The following KLHL1 variants were observed in gnomAD, a reference collection of about 807,000 sequenced individuals.
The protein encoded by KLHL1 is kelch like family member 1.
A neutral mutation model predicts 77.7 loss-of-function variants in KLHL1; 47 were observed. That is an observed-to-expected ratio of 0.60 (90% confidence interval 0.48 to 0.77). The LOEUF is 0.77. Among genes scored for constraint, KLHL1 ranks in the 30% least tolerant of loss-of-function variants. KLHL1 has a pLI of 0.00. For synonymous variants in KLHL1, 360 were observed against 325.2 expected, an observed-to-expected ratio of 1.11 and a Z score of -1.15; for missense variants, 925 against 910.8, an observed-to-expected ratio of 1.02 and a Z score of -0.20.
chr13:69,932,148 G>T (rs1413801789), intron 4 of KLHL1, among the ~76,000 whole-genome samples: 1 of 151,676 alleles, frequency 6.6e-6, no homozygotes, highest in African/African-American at 2.4e-5. Flanking sequence ...TAAGCATTAA[G>T]AATATGGCTG....
chr13:69,969,972 G>A (rs556302046), intron 2 of KLHL1, among the ~76,000 whole-genome samples: 1 of 152,164 alleles, frequency 6.6e-6, no homozygotes, highest in Non-Finnish European at 1.5e-5. Context: ...TATGGTGTTT[G>A]ATATTGTTAA....
intron 1 of KLHL1, among the ~76,000 whole-genome samples, chr13:70,030,476 C>T (rs1282602829): frequency 6.6e-6 from 1 of 152,122 alleles, no homozygotes; most frequent in Non-Finnish European, 1.5e-5. Flanking sequence ...AACTGAAAAA[C>T]CTGCTCCTGA....
At chr13:69,743,416 AATATACTCAC>A (rs1206679845) in intron 7 of KLHL1, among the ~76,000 whole-genome samples, 1 of 152,192 alleles carries the variant, frequency 6.6e-6, no homozygotes, top group Non-Finnish European at 1.5e-5. Flanking sequence ...AAATATTTGA[AATATACTCAC>A]ATATATTCTG....
intron 8 of KLHL1, among the ~76,000 whole-genome samples, chr13:69,738,857 A>C (rs963999422): frequency 1.3e-5 from 2 of 152,130 alleles, no homozygotes; most frequent in African/African-American, 4.8e-5. Flanking sequence ...AACTTTTCCA[A>C]CTTACCAAGA....
At chr13:69,826,250 T>C (rs1593865358) in intron 6 of KLHL1, among the ~76,000 whole-genome samples, 1 of 152,246 alleles carries the variant, frequency 6.6e-6, no homozygotes, top group East Asian at 1.9e-4. Context: ...AGAGATCAAT[T>C]ATATAATAGA....
At chr13:69,703,119 G>A (rs979119747) in intron 10 of KLHL1, among the ~76,000 whole-genome samples, 5 of 151,632 alleles carry the variant, frequency 3.3e-5, no homozygotes, top group African/African-American at 1.2e-4. Context: ...GTCATGCACT[G>A]CATAGCTGTA....
chr13:69,985,521 G>A (rs1178674570), intron 1 of KLHL1, among the ~76,000 whole-genome samples: 2 of 151,302 alleles, frequency 1.3e-5, no homozygotes, highest in African/African-American at 2.4e-5. Flanking sequence ...ATGGAGAAAG[G>A]GAAACTCATA....
At chr13:69,901,884 G>C (rs1158358940) in intron 4 of KLHL1, among the ~76,000 whole-genome samples, 1 of 144,996 alleles carries the variant, frequency 6.9e-6, no homozygotes, top group South Asian at 2.2e-4. Flanking sequence ...TGCAACCTCT[G>C]CCTCACGGGT....
intron 4 of KLHL1, among the ~76,000 whole-genome samples, chr13:69,933,000 C>G (rs1168480010): frequency 6.6e-6 from 1 of 151,842 alleles, no homozygotes; most frequent in Non-Finnish European, 1.5e-5. Context: ...AAAACAAAAA[C>G]AGAGGAAGAA....
intron 1 of KLHL1, among the ~76,000 whole-genome samples, chr13:69,995,713 CAG>C (rs1296402465): frequency 4.6e-5 from 7 of 152,200 alleles, no homozygotes; most frequent in Non-Finnish European, 8.8e-5. Context: ...TATCCAGCAG[CAG>C]AGACTAAACC....
At chr13:69,751,921 T>TATTTATGA (rs55818434) in intron 7 of KLHL1, among the ~76,000 whole-genome samples, 62,075 of 151,322 alleles carry the variant, frequency 0.41, 12,839 homozygotes, top group African/African-American at 0.46. Flanking sequence ...TAAGAGGATG[T>TATTTATGA]ATTTCTTTGC....
chr13:69,750,726 A>G lies in KLHL1; in HGVS notation c.1640-10170T>C, dbSNP rs1187918223. Among the ~76,000 whole-genome samples, 7 of 152,048 alleles carry G rather than the reference A, an allele frequency of 4.6e-5. No homozygotes were observed. The South Asian group carries it at 1.2e-3, about 27-fold the overall frequency. ...AGTGTTTTGTATAAACAGTTTTCAC[A>G]TAATTCTACTAAATTATGTAGCATT... On this transcript the variant is annotated intron_variant, in intron 7 of 10. Transcript: ENST00000377844.
chr13:69,725,716 C>A (rs933419100), intron 8 of KLHL1, among the ~76,000 whole-genome samples: 1 of 152,102 alleles, frequency 6.6e-6, no homozygotes, highest in South Asian at 2.1e-4. Flanking sequence ...GAAAGAAAAG[C>A]GGTCACCAAT....
At chr13:69,878,937 T>C (rs1051979628) in intron 5 of KLHL1, among the ~76,000 whole-genome samples, 7 of 152,146 alleles carry the variant, frequency 4.6e-5, no homozygotes, top group Non-Finnish European at 8.8e-5. Flanking sequence ...AATGATGAGT[T>C]CATGTCCTTT....
intron 7 of KLHL1, among the ~76,000 whole-genome samples, chr13:69,788,378 G>T (rs1876675092): frequency 6.6e-6 from 1 of 152,104 alleles, no homozygotes; most frequent in Admixed American, 6.6e-5. Context: ...GGATGAAACT[G>T]GAAACCATCA....
intron 4 of KLHL1, among the ~76,000 whole-genome samples, chr13:69,909,385 C>T (rs1341178536): frequency 6.6e-6 from 1 of 151,828 alleles, no homozygotes; most frequent in Non-Finnish European, 1.5e-5. Flanking sequence ...TTACATTATA[C>T]TATTCCAAAG....
chr13:69,725,903 T>C (rs969191708), intron 8 of KLHL1, among the ~76,000 whole-genome samples: 1 of 152,040 alleles, frequency 6.6e-6, no homozygotes, highest in Admixed American at 6.6e-5. Flanking sequence ...CTATGTAGCA[T>C]GGTGCATTCA....
intron 10 of KLHL1, among the ~76,000 whole-genome samples, chr13:69,706,061 T>C (rs1194879091): frequency 1.3e-5 from 2 of 151,778 alleles, no homozygotes; most frequent in African/African-American, 4.8e-5. Flanking sequence ...AGGGTTTGCT[T>C]TGGAAACACT....
intron 1 of KLHL1, among the ~76,000 whole-genome samples, chr13:70,052,454 T>A (rs904630008): frequency 6.6e-6 from 1 of 151,558 alleles, no homozygotes. Context: ...ACAAGAAAAT[T>A]AAAAAAAACC....
Sources: gnomAD v4.1 joint callset for allele counts (sites outside exome capture counted in the v4.1 genomes callset) on GRCh38, gnomAD v4.1.1 for gene constraint, MANE v1.5 for transcripts, NCBI Gene and HGNC (gene_info 2026-07-23, HGNC 2026-07-21) for gene names.